Variants in AHCYL1 observed in about 807,000 individuals in gnomAD.
The protein encoded by AHCYL1 is adenosylhomocysteinase like 1.
A neutral mutation model predicts 79.3 loss-of-function variants in AHCYL1; 20 were observed. The observed-to-expected ratio is 0.25, with a 90% CI of 0.18 to 0.37. AHCYL1 has a LOEUF of 0.37. AHCYL1 is among the 10% of genes least tolerant of loss of function. The pLI is 1.00. For missense variants in AHCYL1, 330 were observed against 673.6 expected (o/e 0.49, Z 5.65); for synonymous variants, 223 against 242.2 (o/e 0.92, Z 0.74).
chr1:109,985,245 C>G (rs920804269), intron 1 of AHCYL1, 73 bp downstream of exon 1: 2 of 1,538,200 alleles, frequency 1.3e-6, no homozygotes, highest in South Asian at 1.2e-5. Flanking sequence ...AGCCCGGGCT[C>G]TGGCTAGTTT....
chr1:109,993,276 T>A (rs776015677), intron 1 of AHCYL1, among the ~76,000 whole-genome samples: 4 of 152,212 alleles, frequency 2.6e-5, no homozygotes, highest in African/African-American at 9.7e-5. Flanking sequence ...CTTCTGTATG[T>A]CTCTCAAAAA....
intron 4 of AHCYL1, 72 bp from the exon 5 acceptor site, chr1:110,012,825 T>C: frequency 8.3e-7 from 1 of 1,203,158 alleles, no homozygotes; most frequent in Non-Finnish European, 1.2e-6. Context: ...TATTGCTATC[T>C]TGATGAGGCT....
chr1:110,004,013 G>A (rs2101713616), intron 1 of AHCYL1: 2 of 985,408 alleles, frequency 2.0e-6, no homozygotes, highest in Admixed American at 6.1e-5. Context: ...AGTTTTTCAA[G>A]CTGTGTGTTC....
intron 3 of AHCYL1, 151 bp from the exon 4 acceptor site, chr1:110,012,211 T>A: frequency 1.7e-6 from 1 of 589,742 alleles, no homozygotes; most frequent in Non-Finnish European, 2.9e-6. Flanking sequence ...CCACTATTAC[T>A]GTGCCGTTGA....
intron 15 of AHCYL1, among the ~76,000 whole-genome samples, chr1:110,020,312 G>C (rs2101746654): frequency 6.6e-6 from 1 of 152,290 alleles, no homozygotes; most frequent in East Asian, 1.9e-4. Flanking sequence ...CTAAATGAGT[G>C]TTATTGACAC....
At chr1:110,005,212 T>G (rs1650569341) in intron 1 of AHCYL1, among the ~76,000 whole-genome samples, 1 of 152,254 alleles carries the variant, frequency 6.6e-6, no homozygotes. Context: ...TCTTAATGAT[T>G]TGTTTTCCTA....
intron 3 of AHCYL1, among the ~76,000 whole-genome samples, chr1:110,011,683 T>G (rs1651044912): frequency 6.6e-6 from 1 of 152,224 alleles, no homozygotes; most frequent in South Asian, 2.1e-4. Flanking sequence ...ATATGGGATC[T>G]TACTATAGCT....
rs775665781 is a variant in AHCYL1, at chr1:110,020,894, T to A, written c.1586+43T>A. The A allele has an allele frequency of 3.1e-6, 5 of 1,594,604 alleles. No individual in the cohort carries two copies. In the South Asian group the frequency reaches 5.7e-5, roughly 18 times the overall value. On this transcript the variant is annotated intron_variant, in intron 16 of 16. Transcript: ENST00000369799. ...AAGTGAAAAGCTCTTTTTCCCAGTATTAAACCAAGCAGGCTAGCCTGCTTC... is the reference window on the plus strand; with the variant it reads ...AAGTGAAAAGCTCTTTTTCCCAGTAATAAACCAAGCAGGCTAGCCTGCTTC...
chr1:110,012,184 G>A (rs572473807), intron 3 of AHCYL1, among the ~76,000 whole-genome samples, 178 bp from the exon 4 acceptor site: 1 of 152,348 alleles, frequency 6.6e-6, no homozygotes, highest in South Asian at 2.1e-4. Context: ...AACTCCAAGT[G>A]GTTGCATGAC....
intron 1 of AHCYL1, 122 bp downstream of exon 1, chr1:109,985,294 T>C: frequency 7.1e-7 from 1 of 1,414,880 alleles, no homozygotes; most frequent in Non-Finnish European, 9.3e-7. Flanking sequence ...GGAGGTGATG[T>C]AGGGGGTGGC....
At chr1:110,006,121 T>G (rs535291778) in intron 1 of AHCYL1, among the ~76,000 whole-genome samples, 1 of 152,282 alleles carries the variant, frequency 6.6e-6, no homozygotes, top group African/African-American at 2.4e-5. Context: ...GAAGAATGGG[T>G]CAATCTGACC....
intron 1 of AHCYL1, 49 bp from the exon 2 acceptor site, chr1:110,008,985 C>T: frequency 7.1e-7 from 1 of 1,398,642 alleles, no homozygotes; most frequent in South Asian, 1.2e-5. Flanking sequence ...AAAAACATTT[C>T]ATGGATTTTC....
rs1651876096 is a variant in AHCYL1, at chr1:110,022,641, T to C, written c.*961T>C. On this transcript the variant is annotated 3_prime_UTR_variant, in exon 17 of 17. Coordinates refer to ENST00000369799, the MANE Select transcript of AHCYL1 (RefSeq NM_006621.7). The stretch of plus-strand genomic sequence containing the variant: ...GCTGAAGGCGAATTTCTTGAGCCAT[T>C]ACTCAGTATAAAGCACTGAGTTCTA... The C allele has an allele frequency of 6.6e-6, 1 of 152,644 alleles. No individual in the cohort carries two copies. The highest frequency in any genetic ancestry group is 1.5e-5 in the Non-Finnish European group (1 of 68,038). 9.5% of individuals were successfully genotyped at this position (152,644 alleles called of 1,614,324 possible). A position where few individuals can be genotyped will look rare whatever the true frequency, so the allele number is the denominator to read the frequency against.
intron 2 of AHCYL1, among the ~76,000 whole-genome samples, chr1:110,010,752 T>C (rs970303966): frequency 6.6e-6 from 1 of 152,232 alleles, no homozygotes; most frequent in Non-Finnish European, 1.5e-5. Context: ...GATGGGAAAC[T>C]GGCCACAGGG....
chr1:109,994,362 A>C (rs1348046225), intron 1 of AHCYL1, among the ~76,000 whole-genome samples: 1 of 152,244 alleles, frequency 6.6e-6, no homozygotes, highest in Non-Finnish European at 1.5e-5. Context: ...TCCCGGGTTC[A>C]AACAGTTCTC....
At chr1:109,999,397 A>C (rs1650190484) in intron 1 of AHCYL1, among the ~76,000 whole-genome samples, 1 of 152,212 alleles carries the variant, frequency 6.6e-6, no homozygotes, top group Non-Finnish European at 1.5e-5. Flanking sequence ...TATTTATCTT[A>C]TAACTCCAAA....
chr1:110,004,666 C>A (rs1354785766), intron 1 of AHCYL1, among the ~76,000 whole-genome samples: 1 of 152,042 alleles, frequency 6.6e-6, no homozygotes, highest in African/African-American at 2.4e-5. Flanking sequence ...GCCTATAGTC[C>A]TAGCTACTCA....
At chr1:110,012,628 T>A (rs920387442) in intron 4 of AHCYL1, among the ~76,000 whole-genome samples, 166 bp downstream of exon 4, 2 of 152,166 alleles carry the variant, frequency 1.3e-5, no homozygotes, top group African/African-American at 4.8e-5. Flanking sequence ...TTTTAATATG[T>A]AAACCCACTT....
Position 110,023,095 on chromosome 1 carries a change from T to C in AHCYL1, c.*1415T>C, listed in dbSNP as rs977560517. ...GTATATAATTATCCAGGATTTTAAA[T>C]CCTCAACTTGTTCTAGCTTGTGATC... On this transcript the variant is annotated 3_prime_UTR_variant, in exon 17 of 17. Coordinates refer to ENST00000369799, the MANE Select transcript of AHCYL1 (RefSeq NM_006621.7). 1.5e-4 allele frequency: 23 copies of C among 152,764 alleles called. No individual in the cohort carries two copies. Among genetic ancestry groups the C allele is most frequent in the South Asian group, 1.2e-3 (6 of 4,830 alleles). The allele number at this position is 152,764 out of a possible 1,614,324, so 9.5% of individuals were successfully genotyped here.
Sources: allele counts gnomAD v4.1 joint callset (sites outside exome capture counted in the v4.1 genomes callset), GRCh38; gene constraint gnomAD v4.1.1; transcripts MANE v1.5; gene names NCBI Gene and HGNC (gene_info 2026-07-23, HGNC 2026-07-21).